Variants in CR1 observed in about 807,000 individuals in gnomAD.
The protein encoded by CR1 is complement receptor type 1.
CR1 carries 116 observed loss-of-function variants against 187.3 expected under a neutral mutation model. That is an observed-to-expected ratio of 0.62 (90% confidence interval 0.53 to 0.72). The LOEUF is 0.72. Among genes scored for constraint, CR1 ranks in the 30% least tolerant of loss-of-function variants. CR1 has a pLI of 0.00. For missense variants in CR1, 1,731 were observed against 2,110.7 expected (o/e 0.82, Z 3.52); for synonymous variants, 576 against 747.1 (o/e 0.77, Z 3.73).
At chr1:207,576,063 T>G (rs995447428) in intron 28 of CR1, among the ~76,000 whole-genome samples, 3 of 152,228 alleles carry the variant, frequency 2.0e-5, no homozygotes, top group Admixed American at 1.3e-4. Flanking sequence ...ATTCAAGCCA[T>G]GCAGCTCTTT....
intron 1 of CR1, among the ~76,000 whole-genome samples, chr1:207,498,553 A>G (rs1384122732): frequency 6.6e-6 from 1 of 152,232 alleles, no homozygotes; most frequent in Non-Finnish European, 1.5e-5. Flanking sequence ...AATAAGTAAG[A>G]GAGAATTGCA....
chr1:207,624,802 A>G (rs1177350184), intron 45 of CR1, among the ~76,000 whole-genome samples: 1 of 152,190 alleles, frequency 6.6e-6, no homozygotes, highest in Non-Finnish European at 1.5e-5. Context: ...ATTAAGTACC[A>G]TATAATTAGT....
intron 39 of CR1, among the ~76,000 whole-genome samples, chr1:207,613,382 A>C (rs1168628895): frequency 1.3e-5 from 2 of 152,190 alleles, no homozygotes; most frequent in Admixed American, 1.3e-4. Flanking sequence ...TGGGCACAAC[A>C]GTGTAAAAAA....
Position 207,506,782 on chromosome 1 carries a change from G to C in CR1, c.370G>C (p.Gly124Arg), listed in dbSNP as rs55962594. The part of the protein sequence containing the change: ...MVHVIKGIQF[G>R]SQIKYSCTKG... ...GCATGTGATCAAAGGCATCCAGTTC[G>C]GATCCCAAATTAAATATTCTTGTAC... The change falls in exon 3 of 47, where the codon GGA becomes CGA. Residue 124 changes from glycine to arginine, a missense_variant. Around this residue, in one of 5 missense-constraint regions of CR1, gnomAD observed 237 missense variants for 240.4 expected, o/e 0.99. Coordinates refer to ENST00000367049, the MANE Select transcript of CR1 (RefSeq NM_000651.6). 2 of 1,613,320 alleles carry C rather than the reference G, an allele frequency of 1.2e-6. No homozygotes were observed. The highest frequency in any genetic ancestry group is 8.5e-7 in the Non-Finnish European group (1 of 1,179,592).
intron 45 of CR1, among the ~76,000 whole-genome samples, chr1:207,628,016 T>C (rs1662533134): frequency 6.6e-6 from 1 of 152,178 alleles, no homozygotes; most frequent in Non-Finnish European, 1.5e-5. Flanking sequence ...TGAGATCCTA[T>C]AGTAATTAGA....
chr1:207,519,847 T>C (rs540800258), intron 4 of CR1, among the ~76,000 whole-genome samples: 7 of 152,338 alleles, frequency 4.6e-5, no homozygotes, highest in African/African-American at 1.7e-4. Context: ...GCGTTTGCCT[T>C]ATTTGAAAAC....
intron 27 of CR1, among the ~76,000 whole-genome samples, chr1:207,574,560 AAAC>A (rs568488278): frequency 3.3e-4 from 51 of 152,300 alleles, no homozygotes; most frequent in African/African-American, 1.2e-3. Context: ...TAAAAAGAAA[AAAC>A]AACAATAAAA....
rs558325583 is a variant in CR1, at chr1:207,567,065, G to A, written c.3953-759G>A. ...CTTTCTCTTATTTTTCATAACTCTT[G>A]CTAGTTAAAATAGTTTCTTCCAAAT... On this transcript the variant is annotated intron_variant, in intron 24 of 46. Coordinates refer to ENST00000367049, the MANE Select transcript of CR1 (RefSeq NM_000651.6). Among the ~76,000 whole-genome samples the A allele has an allele frequency of 3.3e-4, 49 of 150,162 alleles. 9 individuals are homozygous for A. The highest frequency in any genetic ancestry group is 1.2e-3 in the African/African-American group (47 of 39,710).
intron 45 of CR1, among the ~76,000 whole-genome samples, chr1:207,629,829 A>G (rs35460230): frequency 1.6e-3 from 246 of 152,340 alleles, no homozygotes; most frequent in Middle Eastern, 3.4e-3. Context: ...CTGTGTTCAC[A>G]GTCACTCACT....
chr1:207,500,281 G>A (rs1483880551), intron 1 of CR1, among the ~76,000 whole-genome samples: 1 of 152,136 alleles, frequency 6.6e-6, no homozygotes, highest in Non-Finnish European at 1.5e-5. Context: ...TATAATTTAT[G>A]TTCGTGTACA....
At chr1:207,581,201 T>TATACGTATACATATGGACACGTATAC (rs1660929521) in intron 31 of CR1, among the ~76,000 whole-genome samples, 1 of 150,242 alleles carries the variant, frequency 6.7e-6, no homozygotes, top group African/African-American at 2.5e-5. Flanking sequence ...GACACGTATA[T>TATACGTATACATATGGACACGTATAC]GTAGACGTAT....
At chr1:207,544,839 T>C (rs1186399924) in intron 13 of CR1, among the ~76,000 whole-genome samples, 3 of 116,338 alleles carry the variant, frequency 2.6e-5, no homozygotes, top group African/African-American at 1.1e-4. Context: ...GTATGGACGC[T>C]CTTTGTTGCA....
At chr1:207,566,307 C>T (rs1181538903) in intron 24 of CR1, among the ~76,000 whole-genome samples, 5 of 149,910 alleles carry the variant, frequency 3.3e-5, no homozygotes, top group Admixed American at 6.6e-5. Context: ...TTCTTTCCTT[C>T]CTCCCTTCTT....
intron 4 of CR1, among the ~76,000 whole-genome samples, chr1:207,521,698 T>C (rs1201300685): frequency 7.6e-6 from 1 of 132,392 alleles, no homozygotes; most frequent in Non-Finnish European, 1.6e-5. Context: ...AGTAGCATAA[T>C]CATAGCTCAC....
At chr1:207,509,343 A>G (rs1230293292) in intron 3 of CR1, among the ~76,000 whole-genome samples, 1 of 152,182 alleles carries the variant, frequency 6.6e-6, no homozygotes, top group Non-Finnish European at 1.5e-5. Context: ...AGGAGATCCA[A>G]AAAGGTAGGG....
intron 31 of CR1, among the ~76,000 whole-genome samples, chr1:207,581,389 T>A (rs1434078411): frequency 2.0e-5 from 3 of 149,932 alleles, no homozygotes; most frequent in Non-Finnish European, 4.4e-5. Context: ...TACATATGTA[T>A]ATATACATAT....
At chr1:207,607,554 A>G (rs1661788455) in intron 36 of CR1, among the ~76,000 whole-genome samples, 1 of 152,216 alleles carries the variant, frequency 6.6e-6, no homozygotes. Flanking sequence ...CTACTTTCCC[A>G]TTATAATAGT....
chr1:207,589,493 G>A (rs543193193), intron 35 of CR1, among the ~76,000 whole-genome samples: 8 of 152,252 alleles, frequency 5.3e-5, no homozygotes, highest in Non-Finnish European at 8.8e-5. Flanking sequence ...ATAAATCCAC[G>A]AAGATGAGGA....
intron 37 of CR1, 117 bp from the exon 38 acceptor site, chr1:207,611,560 T>C (rs1661930048): frequency 1.4e-6 from 2 of 1,445,850 alleles, no homozygotes; most frequent in East Asian, 2.3e-5. Flanking sequence ...CTACCAATCT[T>C]CTCTTTTAAT....
Sources: allele counts gnomAD v4.1 joint callset (sites outside exome capture counted in the v4.1 genomes callset), GRCh38; gene constraint gnomAD v4.1.1; regional missense constraint gnomAD v4.1.1; transcripts MANE v1.5; gene names NCBI Gene and HGNC (gene_info 2026-07-23, HGNC 2026-07-21).